The following MRPL1 variants were observed in gnomAD, a reference collection of about 807,000 sequenced individuals.
MRPL1 encodes large ribosomal subunit protein uL1m.
In MRPL1, 28 loss-of-function variants were observed where a neutral mutation model predicts 38.0. That is an observed-to-expected ratio of 0.74 (90% CI 0.55 to 1.01). The LOEUF (loss-of-function observed/expected upper bound fraction) is 1.01, where lower values mean the gene tolerates loss of function less well. Ranked by LOEUF, MRPL1 falls within the 50% of genes least tolerant of loss-of-function variation. MRPL1 has a pLI of 0.00. For synonymous variants in MRPL1, 123 were observed against 126.7 expected (o/e 0.97, Z 0.20); for missense variants, 358 against 389.8 (o/e 0.92, Z 0.69).
intron 7 of MRPL1, among the ~76,000 whole-genome samples, chr4:77,920,974 A>G (rs896596644): frequency 1.3e-5 from 2 of 152,122 alleles, no homozygotes; most frequent in Non-Finnish European, 2.9e-5. Flanking sequence ...CAGGTTGGCC[A>G]TGCTAGTCTC....
intron 7 of MRPL1, among the ~76,000 whole-genome samples, chr4:77,940,556 T>C (rs149794284): frequency 5.8e-4 from 88 of 152,324 alleles, no homozygotes; most frequent in African/African-American, 1.9e-3. Context: ...CTAATTGCTC[T>C]GGCTAGGACT....
chr4:77,898,538 C>CTGGA (rs1281098647), intron 6 of MRPL1, among the ~76,000 whole-genome samples: 2 of 151,826 alleles, frequency 1.3e-5, no homozygotes, highest in South Asian at 2.1e-4. Context: ...GTTGCCCAGG[C>CTGGA]TGGAGCGCAG....
intron 7 of MRPL1, among the ~76,000 whole-genome samples, chr4:77,946,712 A>G (rs1253386992): frequency 6.6e-6 from 1 of 152,162 alleles, no homozygotes; most frequent in Non-Finnish European, 1.5e-5. Flanking sequence ...ACTTCCCACA[A>G]CAATCCTTAG....
intron 6 of MRPL1, among the ~76,000 whole-genome samples, chr4:77,907,490 C>T (rs1177203254): frequency 9.1e-6 from 1 of 109,562 alleles, no homozygotes; most frequent in African/African-American, 3.4e-5. Context: ...CTCCCTCCCT[C>T]CCTCCCTCCG....
chr4:77,932,821 C>T (rs1026477387), intron 7 of MRPL1, among the ~76,000 whole-genome samples: 5 of 151,876 alleles, frequency 3.3e-5, no homozygotes, highest in South Asian at 2.1e-4. Flanking sequence ...CCACCCCCAC[C>T]GCACTGGAAA....
At chr4:77,947,807 A>C (rs1310884584) in intron 7 of MRPL1, among the ~76,000 whole-genome samples, 5 of 152,246 alleles carry the variant, frequency 3.3e-5, no homozygotes, top group Admixed American at 3.3e-4. Flanking sequence ...AATTTTGCAC[A>C]ATATCTAAAA....
intron 2 of MRPL1, among the ~76,000 whole-genome samples, chr4:77,881,148 G>A (rs1432025715): frequency 6.6e-6 from 1 of 152,148 alleles, no homozygotes; most frequent in Admixed American, 6.5e-5. Flanking sequence ...ACAAATAAAG[G>A]GGCTGGGAAA....
chr4:77,952,503 C>A lies in MRPL1; in HGVS notation c.874C>A (p.Arg292Ser), dbSNP rs1328292633. 1 of 1,611,932 alleles carries A rather than the reference C, an allele frequency of 6.2e-7. No homozygotes were observed. Among genetic ancestry groups the A allele is most frequent in the South Asian group, 1.1e-5 (1 of 90,804 alleles). Residue 292 changes from arginine (R) to serine (S), a missense_variant, in exon 9 of 9, where the codon CGT (arginine) becomes AGT (serine). Physicochemically the swap from Arg to Ser is moderately radical, Grantham distance 110 (BLOSUM62 -1). Coordinates refer to ENST00000315567, the MANE Select transcript of MRPL1 (RefSeq NM_020236.4). ...TTTGTTTCCAGGTCCCTTTGTGGTA[C>A]GTGCTTTCCTTCGTAGTTCAACAAG... The part of the protein sequence containing the change: ...RPLNLGPFVV[R>S]AFLRSSTSEG...
chr4:77,936,116 T>TA (rs1736969043), intron 7 of MRPL1, among the ~76,000 whole-genome samples: 1 of 152,016 alleles, frequency 6.6e-6, no homozygotes, highest in Non-Finnish European at 1.5e-5. Flanking sequence ...AGAATTCCTG[T>TA]AATCATTCAC....
intron 6 of MRPL1, among the ~76,000 whole-genome samples, chr4:77,903,869 C>T (rs1226164872): frequency 2.0e-5 from 3 of 151,778 alleles, no homozygotes; most frequent in African/African-American, 7.3e-5. Flanking sequence ...CCCAACCAAA[C>T]TCCCAGAAAG....
Position 77,871,861 on chromosome 4 carries a change from T to C in MRPL1, c.143+6T>C. The C allele has an allele frequency of 6.5e-7, 1 of 1,540,964 alleles. No homozygotes were observed. Among genetic ancestry groups the C allele is most frequent in the Non-Finnish European group, 8.9e-7 (1 of 1,127,564 alleles). On this transcript the variant is annotated splice_donor_region_variant and intron_variant, in intron 2 of 8. Coordinates refer to ENST00000315567, the MANE Select transcript of MRPL1 (RefSeq NM_020236.4). ...CATTTTGCTGCTGCTACAAAGTAAG[T>C]ATTTTTTTTTAGTTATTATTTCATT...
intron 4 of MRPL1, 87 bp downstream of exon 4, chr4:77,885,426 G>A (rs1735653512): frequency 2.1e-6 from 2 of 957,182 alleles, no homozygotes; most frequent in Non-Finnish European, 3.3e-6. Context: ...GAGTGCAGTG[G>A]GGCAACCTCG....
At chr4:77,877,088 C>T (rs548068035) in intron 2 of MRPL1, among the ~76,000 whole-genome samples, 32 of 152,140 alleles carry the variant, frequency 2.1e-4, no homozygotes, top group East Asian at 1.4e-3. Flanking sequence ...TTAGTAGAGA[C>T]GGGGTTTCAC....
chr4:77,952,050 A>G (rs531720504), intron 8 of MRPL1, among the ~76,000 whole-genome samples: 2 of 152,302 alleles, frequency 1.3e-5, no homozygotes, highest in Admixed American at 6.5e-5. Flanking sequence ...AGGCAACCAT[A>G]TTTGTTAGTT....
intron 2 of MRPL1, among the ~76,000 whole-genome samples, chr4:77,880,286 C>T (rs1578040316): frequency 6.6e-6 from 1 of 152,202 alleles, no homozygotes; most frequent in East Asian, 1.9e-4. Flanking sequence ...CACCCACATT[C>T]TTTAGCTCAT....
chr4:77,872,753 C>T (rs1218305375), intron 2 of MRPL1, among the ~76,000 whole-genome samples: 1 of 152,184 alleles, frequency 6.6e-6, no homozygotes, highest in East Asian at 1.9e-4. Context: ...ATCCCAGCCA[C>T]TCGGGAGGCT....
At chr4:77,866,354 A>G (rs1429530550) in intron 1 of MRPL1, among the ~76,000 whole-genome samples, 1 of 152,138 alleles carries the variant, frequency 6.6e-6, no homozygotes, top group Non-Finnish European at 1.5e-5. Context: ...ACCCAGCCCA[A>G]TTTTTTTACA....
intron 6 of MRPL1, among the ~76,000 whole-genome samples, chr4:77,898,700 G>A (rs1272264302): frequency 6.6e-6 from 1 of 151,932 alleles, no homozygotes; most frequent in African/African-American, 2.4e-5. Context: ...CACCATGTTG[G>A]CCAGGCTGGT....
chr4:77,869,066 T>C (rs983544668), intron 1 of MRPL1, among the ~76,000 whole-genome samples: 1 of 152,168 alleles, frequency 6.6e-6, no homozygotes, highest in Admixed American at 6.6e-5. Flanking sequence ...TGGTAGGTGA[T>C]GGTAGCCTGG....
Sources: allele counts gnomAD v4.1 joint callset (sites outside exome capture counted in the v4.1 genomes callset), GRCh38; gene constraint gnomAD v4.1.1; transcripts MANE v1.5; gene names NCBI Gene and HGNC (gene_info 2026-07-23, HGNC 2026-07-21).